The following TMEM114 variants were observed in gnomAD, a reference collection of about 807,000 sequenced individuals.
The protein encoded by TMEM114 is claudin-26.
TMEM114 carries 6 observed loss-of-function variants against 6.2 expected under a neutral mutation model. The observed-to-expected ratio is 0.97, with a 90% CI of 0.53 to 1.91. The LOEUF (loss-of-function observed/expected upper bound fraction) is 1.91. TMEM114 is among the 40% of genes most tolerant of loss of function. TMEM114 has a pLI of 0.01. For synonymous variants in TMEM114, 104 were observed against 73.0 expected, an observed-to-expected ratio of 1.42 and a Z score of -2.16; for missense variants, 218 against 158.3, an observed-to-expected ratio of 1.38 and a Z score of -2.02.
At chr16:8,553,725 C>T (rs868582012) in intron 2 of TMEM114, among the ~76,000 whole-genome samples, 2 of 152,080 alleles carry the variant, frequency 1.3e-5, no homozygotes, top group Non-Finnish European at 2.9e-5. Flanking sequence ...TCATGGTCCG[C>T]CCACCTCGGC....
intron 2 of TMEM114, among the ~76,000 whole-genome samples, chr16:8,562,295 A>AGTG: frequency 7.3e-6 from 1 of 137,710 alleles, no homozygotes; most frequent in East Asian, 2.2e-4. Context: ...TGAGTGAGTG[A>AGTG]ATGAGTGAGT....
At chr16:8,542,455 C>G (rs1900542840) in intron 2 of TMEM114, among the ~76,000 whole-genome samples, 1 of 152,202 alleles carries the variant, frequency 6.6e-6, no homozygotes, top group Non-Finnish European at 1.5e-5. Context: ...CCAGCACCAT[C>G]TTGGAAAACT....
downstream of TMEM114, among the ~76,000 whole-genome samples, chr16:8,533,738 A>G (rs1171723704): frequency 1.3e-5 from 2 of 152,204 alleles, no homozygotes; most frequent in African/African-American, 4.8e-5. Context: ...TGAATGTTAC[A>G]TTGGTTACTT....
At position 8,589,711 on chromosome 16, in the gene TMEM114, G is replaced by C; in HGVS notation, c.128C>G (p.Thr43Ser). 2 of 398,526 alleles carry C rather than the reference G, an allele frequency of 5.0e-6. No individual in the cohort carries two copies. The highest frequency in any genetic ancestry group is 6.3e-4 in the Middle Eastern group (1 of 1,590). 24.7% of individuals were successfully genotyped at this position (398,526 alleles called of 1,614,324 possible). A position where few individuals can be genotyped will look rare whatever the true frequency, so the allele number is the denominator to read the frequency against. The change falls in exon 1 of 4, where the codon ACT becomes AGT. Residue 43 changes from threonine to serine, a missense_variant. Physicochemically the swap from Thr to Ser is moderately conservative, Grantham distance 58. Coordinates refer to ENST00000620492, the MANE Select transcript of TMEM114 (RefSeq NM_001146336.2). ...CAGCAGGTCCTGCGCCCCCGGGCCA[G>C]TCCTCTCCAGCCGCTCGGTGTCAAT... ...YIIDTERLER[T>S]GPGAQDLLGS...
chr16:8,589,110 CG>C, intron 2 of TMEM114, 102 bp downstream of exon 2: 1 of 397,066 alleles, frequency 2.5e-6, no homozygotes, highest in Non-Finnish European at 4.4e-6. Flanking sequence ...CCACCCCAGC[CG>C]CCCTCTCCGC....
chr16:8,561,636 T>G (rs1349361146), intron 2 of TMEM114, among the ~76,000 whole-genome samples: 1 of 152,092 alleles, frequency 6.6e-6, no homozygotes, highest in African/African-American at 2.4e-5. Flanking sequence ...TGAATAACTA[T>G]ATGAACAAGT....
At chr16:8,548,573 C>T (rs537802837) in intron 2 of TMEM114, among the ~76,000 whole-genome samples, 1 of 152,006 alleles carries the variant, frequency 6.6e-6, no homozygotes, top group South Asian at 2.1e-4. Context: ...GGGCCACGAA[C>T]CATTGTAGTA....
downstream of TMEM114, chr16:8,569,406 C>T: frequency 1.9e-6 from 2 of 1,062,292 alleles, no homozygotes; most frequent in Non-Finnish European, 2.3e-6. Context: ...TCTCCCTTTC[C>T]CAGACCCACC....
intron 2 of TMEM114, among the ~76,000 whole-genome samples, chr16:8,545,790 C>G (rs1900647983): frequency 1.3e-5 from 2 of 152,148 alleles, no homozygotes; most frequent in Non-Finnish European, 2.9e-5. Flanking sequence ...ATATTTTACC[C>G]TTCTTAAAAT....
chr16:8,528,640 A>C, the TMEM114 span, among the ~76,000 whole-genome samples: 7 of 152,238 alleles, frequency 4.6e-5, no homozygotes, highest in African/African-American at 1.7e-4. Flanking sequence ...CCGGTATTTA[A>C]ATCGCAGCCT....
chr16:8,539,902 C>G, intron 2 of TMEM114, among the ~76,000 whole-genome samples: 1 of 152,192 alleles, frequency 6.6e-6, no homozygotes, highest in South Asian at 2.1e-4. Context: ...ACTGCAGCCT[C>G]CACCTCCCAG....
intron 2 of TMEM114, among the ~76,000 whole-genome samples, chr16:8,551,653 C>T (rs1226573472): frequency 6.6e-6 from 1 of 152,196 alleles, no homozygotes; most frequent in African/African-American, 2.4e-5. Flanking sequence ...TGAGGCAGGA[C>T]AAAAATTCAT....
intron 2 of TMEM114, among the ~76,000 whole-genome samples, chr16:8,561,880 ATGAGTGAG>A (rs58646549): frequency 7.2e-6 from 1 of 139,492 alleles, no homozygotes; most frequent in African/African-American, 2.7e-5. Context: ...GAGTGAGTGA[ATGAGTGAG>A]TGAATGAGTA....
chr16:8,573,860 C>T (rs1412796499), intron 2 of TMEM114, among the ~76,000 whole-genome samples: 1 of 152,166 alleles, frequency 6.6e-6, no homozygotes, highest in Non-Finnish European at 1.5e-5. Context: ...TTTTATGTCT[C>T]ACCTGACAGA....
intron 2 of TMEM114, among the ~76,000 whole-genome samples, chr16:8,584,158 G>C (rs1413421995): frequency 5.9e-5 from 9 of 152,218 alleles, no homozygotes; most frequent in South Asian, 2.1e-4. Flanking sequence ...AGCCCAAAAA[G>C]AAGAGGAAAG....
chr16:8,545,727 C>G (rs1157853864), intron 2 of TMEM114, among the ~76,000 whole-genome samples: 3 of 152,200 alleles, frequency 2.0e-5, no homozygotes, highest in Non-Finnish European at 4.4e-5. Flanking sequence ...GCTATCTTAT[C>G]TCCCTTCTCC....
chr16:8,569,653 G>C lies in TMEM114; in HGVS notation c.*120C>G, dbSNP rs1901657658. 2.8e-6 allele frequency: 4 copies of C among 1,440,774 alleles called. No homozygotes were observed. In the African/African-American group the frequency reaches 5.7e-5, roughly 21 times the overall value. 89.2% of individuals were successfully genotyped at this position (1,440,774 alleles called of 1,614,324 possible). On this transcript the variant is annotated 3_prime_UTR_variant, in exon 4 of 4. Transcript: ENST00000620492. ...TCCGCGGGGATTTGTGGGGGAAGGA[G>C]GGGGGTGCCTGGCCTCCCCGAGTGG...
At chr16:8,549,685 T>C (rs187609032) in intron 2 of TMEM114, among the ~76,000 whole-genome samples, 112 of 152,192 alleles carry the variant, frequency 7.4e-4, no homozygotes, top group African/African-American at 2.5e-3. Context: ...TGATTATCTT[T>C]TTGTATGCGG....
intron 2 of TMEM114, among the ~76,000 whole-genome samples, chr16:8,583,366 A>G (rs139291978): frequency 6.2e-4 from 94 of 152,336 alleles, no homozygotes; most frequent in African/African-American, 2.1e-3. Flanking sequence ...CCTACTGTGC[A>G]CAGAGTCCAG....
Sources: allele counts gnomAD v4.1 joint callset (sites outside exome capture counted in the v4.1 genomes callset), GRCh38; gene constraint gnomAD v4.1.1; transcripts MANE v1.5; gene names NCBI Gene and HGNC (gene_info 2026-07-23, HGNC 2026-07-21).